The following STAG1 variants were observed in gnomAD, a reference collection of about 807,000 sequenced individuals.
STAG1 encodes the protein cohesin subunit SA-1.
A neutral mutation model predicts 170.9 loss-of-function variants in STAG1; 26 were observed. That is an observed-to-expected ratio of 0.15 (90% confidence interval 0.11 to 0.21). The LOEUF (loss-of-function observed/expected upper bound fraction) is 0.21, where lower values mean the gene tolerates loss of function less well. STAG1 is among the 10% of genes least tolerant of loss of function. STAG1 has a pLI of 1.00. For synonymous variants in STAG1, 514 were observed against 497.7 expected (o/e 1.03, Z -0.44); for missense variants, 964 against 1,509.5 (o/e 0.64, Z 5.99).
chr3:136,634,232 G>C (rs13434116), intron 1 of STAG1, among the ~76,000 whole-genome samples: 24,949 of 151,786 alleles, frequency 0.16, 2,731 homozygotes, highest in Non-Finnish European at 0.24. Flanking sequence ...CACACCTGTG[G>C]TTCCAGCTAC....
intron 13 of STAG1, among the ~76,000 whole-genome samples, chr3:136,454,936 C>T (rs184278983): frequency 1.3e-5 from 2 of 152,116 alleles, no homozygotes; most frequent in South Asian, 2.1e-4. Context: ...TACACCATAG[C>T]TTATTTAAGA....
intron 22 of STAG1, among the ~76,000 whole-genome samples, chr3:136,397,991 G>A (rs2087216422): frequency 6.6e-6 from 1 of 151,992 alleles, no homozygotes; most frequent in South Asian, 2.1e-4. Flanking sequence ...TTGTTGCCCA[G>A]GCTGGAGTAC....
chr3:136,358,437 A>C (rs558587203), intron 27 of STAG1, among the ~76,000 whole-genome samples: 75 of 152,260 alleles, frequency 4.9e-4, no homozygotes, highest in Non-Finnish European at 3.2e-4. Context: ...GAGAATTATT[A>C]ATACATTGCC....
chr3:136,527,891 A>G (rs1935136545), intron 6 of STAG1, among the ~76,000 whole-genome samples: 1 of 152,214 alleles, frequency 6.6e-6, no homozygotes, highest in African/African-American at 2.4e-5. Flanking sequence ...CGGATGCTGC[A>G]GAACAGTGAA....
At chr3:136,736,761 G>A (rs1934359370) in intron 1 of STAG1, 3 of 1,600,148 alleles carry the variant, frequency 1.9e-6, no homozygotes, top group Non-Finnish European at 1.7e-6. Flanking sequence ...TTCATTGTCT[G>A]TTTATATACA....
intron 1 of STAG1, among the ~76,000 whole-genome samples, chr3:136,678,850 C>CAAAAAAAAAAAAAA (rs559610524): frequency 2.8e-5 from 1 of 35,416 alleles, no homozygotes; most frequent in African/African-American, 1.0e-4. Context: ...CCCATGCTCA[C>CAAAAAAAAAAAAAA]AAAAAAAAAA....
At chr3:136,484,241 G>A (rs549105373) in intron 9 of STAG1, among the ~76,000 whole-genome samples, 41 of 152,142 alleles carry the variant, frequency 2.7e-4, no homozygotes, top group African/African-American at 9.9e-4. Flanking sequence ...TGATGGTGAT[G>A]TACAGATGGG....
chr3:136,665,657 G>A (rs1420221771), intron 1 of STAG1, among the ~76,000 whole-genome samples: 2 of 151,426 alleles, frequency 1.3e-5, no homozygotes, highest in Non-Finnish European at 2.9e-5. Flanking sequence ...GCAGGCGCCT[G>A]TAGTCCCAGC....
chr3:136,634,086 A>G (rs1009609183), intron 1 of STAG1, among the ~76,000 whole-genome samples: 11 of 150,628 alleles, frequency 7.3e-5, no homozygotes, highest in Non-Finnish European at 3.0e-5. Context: ...GGTTGCAGTG[A>G]GCCAAGATCG....
chr3:136,619,824 G>C (rs1939766779), intron 3 of STAG1, among the ~76,000 whole-genome samples: 1 of 150,144 alleles, frequency 6.7e-6, no homozygotes, highest in African/African-American at 2.5e-5. Context: ...CCAGCACTTT[G>C]GGAGGCTGAG....
At chr3:136,341,678 G>A in intron 30 of STAG1, 127 bp from the exon 31 acceptor site, 1 of 618,280 alleles carries the variant, frequency 1.6e-6, no homozygotes, top group Non-Finnish European at 2.8e-6. Context: ...GATTTATTCT[G>A]GTGCCTTTTT....
chr3:136,555,899 T>C (rs1936594807), intron 5 of STAG1, among the ~76,000 whole-genome samples: 1 of 150,842 alleles, frequency 6.6e-6, no homozygotes, highest in South Asian at 2.1e-4. Flanking sequence ...AAAGTTTTCA[T>C]AACAAAACCC....
At chr3:136,536,352 A>T (rs1436864424) in intron 6 of STAG1, among the ~76,000 whole-genome samples, 1 of 152,174 alleles carries the variant, frequency 6.6e-6, no homozygotes, top group Non-Finnish European at 1.5e-5. Context: ...GGTTGTCCAA[A>T]CTGAAAAAGT....
At chr3:136,419,091 T>C (rs2087868152) in intron 20 of STAG1, among the ~76,000 whole-genome samples, 1 of 152,222 alleles carries the variant, frequency 6.6e-6, no homozygotes, top group Admixed American at 6.5e-5. Flanking sequence ...GCATTATAGC[T>C]ATTTACTTGG....
chr3:136,493,238 G>A (rs2090155028), intron 9 of STAG1, among the ~76,000 whole-genome samples: 1 of 152,140 alleles, frequency 6.6e-6, no homozygotes, highest in Non-Finnish European at 1.5e-5. Context: ...AGCTACTCAG[G>A]AGGCTGAGGT....
intron 3 of STAG1, among the ~76,000 whole-genome samples, chr3:136,621,343 T>C (rs1027584820): frequency 1.9e-4 from 29 of 152,332 alleles, no homozygotes; most frequent in African/African-American, 7.0e-4. Flanking sequence ...AGCAAACATG[T>C]GGGCAATTCA....
Position 136,498,233 on chromosome 3 carries a change from T to TATATATATATATATATATATATATATAC in STAG1, c.902+1989_902+1990insGTATATATATATATATATATATATATAT. Among the ~76,000 whole-genome samples, 151 of 57,358 alleles carry TATATATATATATATATATATATATATAC rather than the reference T, an allele frequency of 2.6e-3. 8 individuals are homozygous for TATATATATATATATATATATATATATAC. Among genetic ancestry groups the TATATATATATATATATATATATATATAC allele is most frequent in the East Asian group, 0.022 (10 of 460 alleles). The allele number at this position is 57,358 out of a possible 152,430, so 37.6% of individuals were successfully genotyped here. A position where few individuals can be genotyped will look rare whatever the true frequency, so the allele number is the denominator to read the frequency against. ...AATTATATATATATATATATATATA[T>TATATATATATATATATATATATATATAC]ACACATACATATACATACACACACA... On this transcript the variant is annotated intron_variant, in intron 9 of 33. Coordinates refer to ENST00000383202, the MANE Select transcript of STAG1 (RefSeq NM_005862.3).
intron 1 of STAG1, among the ~76,000 whole-genome samples, chr3:136,749,985 G>A (rs895847195): frequency 6.6e-6 from 1 of 151,102 alleles, no homozygotes; most frequent in Non-Finnish European, 1.5e-5. Context: ...ACAAATAAAA[G>A]GGGAAACAAG....
At chr3:136,509,124 G>T (rs1576545917) in intron 7 of STAG1, among the ~76,000 whole-genome samples, 1 of 152,276 alleles carries the variant, frequency 6.6e-6, no homozygotes, top group Non-Finnish European at 1.5e-5. Flanking sequence ...ACAAGTACAA[G>T]CATTGGCCTT....
Sources: allele counts gnomAD v4.1 joint callset (sites outside exome capture counted in the v4.1 genomes callset), GRCh38; gene constraint gnomAD v4.1.1; transcripts MANE v1.5; gene names NCBI Gene and HGNC (gene_info 2026-07-23, HGNC 2026-07-21).